CNTNAP2: variants seen among roughly 807,000 people sequenced by gnomAD.
The protein encoded by CNTNAP2 is contactin associated protein 2, also known as contactin-associated protein-like 2.
CNTNAP2 carries 98 observed loss-of-function variants against 155.2 expected under a neutral mutation model. That is an observed-to-expected ratio of 0.63 (90% CI 0.54 to 0.75). The LOEUF is 0.75. CNTNAP2 is among the 30% of genes least tolerant of loss of function. The pLI is 0.00. For synonymous variants in CNTNAP2, 651 were observed against 631.2 expected, an observed-to-expected ratio of 1.03 and a Z score of -0.47; for missense variants, 1,727 against 1,688.1, an observed-to-expected ratio of 1.02 and a Z score of -0.40.
chr7:148,370,019 G>C (rs1051184975), intron 21 of CNTNAP2, among the ~76,000 whole-genome samples: 2 of 152,132 alleles, frequency 1.3e-5, no homozygotes, highest in Non-Finnish European at 2.9e-5. Flanking sequence ...GATTTGCTAG[G>C]CTGTCTTTAA....
At chr7:147,048,805 A>C (rs1234372568) in intron 4 of CNTNAP2, among the ~76,000 whole-genome samples, 2 of 152,178 alleles carry the variant, frequency 1.3e-5, no homozygotes, top group Non-Finnish European at 2.9e-5. Context: ...TATGTTTTTC[A>C]TGTCTTTTTA....
intron 14 of CNTNAP2, among the ~76,000 whole-genome samples, chr7:147,948,844 T>C (rs1017678484): frequency 6.6e-6 from 1 of 152,044 alleles, no homozygotes; most frequent in African/African-American, 2.4e-5. Flanking sequence ...CCACATATTT[T>C]GTATGTTATG....
At chr7:146,724,856 A>G (rs904892620) in intron 1 of CNTNAP2, among the ~76,000 whole-genome samples, 5 of 152,104 alleles carry the variant, frequency 3.3e-5, no homozygotes, top group Admixed American at 2.0e-4. Flanking sequence ...GGCGTGAGCC[A>G]CCATGCCTGG....
chr7:146,735,041 T>A (rs1254000987), intron 1 of CNTNAP2, among the ~76,000 whole-genome samples: 2 of 152,296 alleles, frequency 1.3e-5, no homozygotes, highest in Admixed American at 6.5e-5. Flanking sequence ...TTTGAAAATA[T>A]GCTGAAATGT....
At chr7:146,435,580 C>T (rs1796232015) in intron 1 of CNTNAP2, among the ~76,000 whole-genome samples, 4 of 152,114 alleles carry the variant, frequency 2.6e-5, no homozygotes, top group Admixed American at 6.5e-5. Flanking sequence ...GTTCCTTGTA[C>T]ATAAAGGGTC....
chr7:146,813,658 A>T (rs1416340232), intron 2 of CNTNAP2, among the ~76,000 whole-genome samples: 1 of 152,110 alleles, frequency 6.6e-6, no homozygotes, highest in Non-Finnish European at 1.5e-5. Context: ...ATGAGTTAAG[A>T]CTTTGGGAGA....
rs148991710 is a variant in CNTNAP2 at position 146,712,744 on chromosome 7, G to T, written c.98-61527G>T. 1.8e-4 allele frequency among the ~76,000 whole-genome samples: 28 copies of T among 151,480 alleles called. No homozygotes were observed. In the East Asian group the frequency reaches 5.1e-3, roughly 27 times the overall value. On this transcript the variant is annotated intron_variant, in intron 1 of 23. Transcript: ENST00000361727. ...GGCTGAATTTGGTTATACACAACAT[G>T]CTTCATTTTCATATCATATCTTACT... is the stretch of plus-strand genomic sequence containing the variant.
At chr7:146,633,115 T>G (rs887249984) in intron 1 of CNTNAP2, among the ~76,000 whole-genome samples, 2 of 152,150 alleles carry the variant, frequency 1.3e-5, no homozygotes, top group Admixed American at 1.3e-4. Context: ...TGAACATACT[T>G]CCTTTCCCAG....
At chr7:147,545,415 CTG>C (rs1799712315) in intron 11 of CNTNAP2, among the ~76,000 whole-genome samples, 1 of 152,176 alleles carries the variant, frequency 6.6e-6, no homozygotes. Flanking sequence ...GCCAACACAA[CTG>C]TGTGTATGTG....
chr7:147,903,603 G>A lies in CNTNAP2; in HGVS notation c.2137G>A (p.Glu713Lys), dbSNP rs201178948. 48 of 1,614,174 alleles carry A rather than the reference G, an allele frequency of 3.0e-5. No individual in the cohort carries two copies. The highest frequency in any genetic ancestry group is 1.6e-4 in the Middle Eastern group (1 of 6,062). The change falls in exon 14 of 24, where the codon GAG (glutamate) becomes AAG (lysine). Residue 713 changes from glutamate to lysine, a missense_variant. By Grantham distance (56) the Glu-to-Lys change is moderately conservative. Coordinates refer to ENST00000361727, the MANE Select transcript of CNTNAP2 (RefSeq NM_014141.6). ...PYTWWVGKAN[E>K]KHYYWGGSGP... Reference sequence around the variant, plus strand: ...CACTTGGTGGGTTGGCAAAGCCAACGAGAAGCACTACTACTGGGGAGGCTC... The same window carrying A: ...CACTTGGTGGGTTGGCAAAGCCAACAAGAAGCACTACTACTGGGGAGGCTC...
chr7:146,431,683 A>AC (rs2129117074), intron 1 of CNTNAP2, among the ~76,000 whole-genome samples: 1 of 152,224 alleles, frequency 6.6e-6, no homozygotes, highest in Admixed American at 6.5e-5. Flanking sequence ...GGATCAATAG[A>AC]CAAAAGTCAC....
At position 147,417,136 on chromosome 7, in the gene CNTNAP2, C is replaced by T. The variant is rs1206631955; in HGVS notation, c.1670+21356C>T. Among the ~76,000 whole-genome samples, 5 of 151,684 alleles carry T rather than the reference C, an allele frequency of 3.3e-5. No individual in the cohort carries two copies. In the East Asian group the frequency reaches 9.7e-4, roughly 29 times the overall value. The stretch of plus-strand genomic sequence containing the variant: ...CAATTTTATGCTGCATATTCATTAT[C>T]ATCTTTGCCTTTTGACTGTATCATC... On this transcript the variant is annotated intron_variant, in intron 10 of 23. Transcript: ENST00000361727.
At chr7:146,714,028 C>T (rs56877639) in intron 1 of CNTNAP2, among the ~76,000 whole-genome samples, 6,263 of 152,080 alleles carry the variant, frequency 0.041, 294 homozygotes, top group African/African-American at 0.11. Flanking sequence ...AAAAAATTGA[C>T]TCATTATTCT....
chr7:147,031,687 C>A (rs1036095870), intron 3 of CNTNAP2, among the ~76,000 whole-genome samples: 1 of 152,166 alleles, frequency 6.6e-6, no homozygotes, highest in African/African-American at 2.4e-5. Context: ...GGAGGCCAAG[C>A]TGGGCAGATC....
chr7:146,571,034 GAT>G (rs2129146079), intron 1 of CNTNAP2, among the ~76,000 whole-genome samples: 1 of 152,170 alleles, frequency 6.6e-6, no homozygotes, highest in East Asian at 1.9e-4. Context: ...TTAATTAAGA[GAT>G]AGATACATTT....
At chr7:148,177,296 G>A (rs1293668962) in intron 18 of CNTNAP2, among the ~76,000 whole-genome samples, 2 of 152,144 alleles carry the variant, frequency 1.3e-5, no homozygotes, top group Admixed American at 1.3e-4. Flanking sequence ...GTCTTCATAG[G>A]AAGAGGAGGG....
At chr7:147,921,988 A>G (rs1022037788) in intron 14 of CNTNAP2, among the ~76,000 whole-genome samples, 1 of 151,878 alleles carries the variant, frequency 6.6e-6, no homozygotes, top group African/African-American at 2.4e-5. Flanking sequence ...TCCCTGTAAC[A>G]GCCCTAGTGA....
chr7:146,129,185 G>A (rs762084155), intron 1 of CNTNAP2, among the ~76,000 whole-genome samples: 5 of 152,024 alleles, frequency 3.3e-5, no homozygotes, highest in African/African-American at 1.2e-4. Context: ...AATCACCCAC[G>A]TATCAATTTT....
intron 15 of CNTNAP2, among the ~76,000 whole-genome samples, chr7:148,106,511 T>A (rs1563201373): frequency 6.8e-6 from 1 of 146,884 alleles, no homozygotes; most frequent in African/African-American, 2.5e-5. Context: ...TATATATATA[T>A]ATATATATAC....
Sources: gnomAD v4.1 joint callset for allele counts (sites outside exome capture counted in the v4.1 genomes callset) on GRCh38, gnomAD v4.1.1 for gene constraint, MANE v1.5 for transcripts, NCBI Gene and HGNC (gene_info 2026-07-23, HGNC 2026-07-21) for gene names.